Variants in GRIK4 observed in about 807,000 individuals in gnomAD.
The protein encoded by GRIK4 is glutamate ionotropic receptor kainate type subunit 4, also known as glutamate receptor ionotropic, kainate 4.
In GRIK4, 40 loss-of-function variants were observed where a neutral mutation model predicts 104.9. The ratio of observed to expected loss-of-function variants is 0.38; its 90% confidence interval spans 0.30 to 0.50. The LOEUF is 0.50. Among genes scored for constraint, GRIK4 ranks in the 20% least tolerant of loss-of-function variants. The probability of loss-of-function intolerance (pLI) is 0.93; values close to 1 mark genes in which losing one functional copy is unlikely to be tolerated. For synonymous variants in GRIK4, 485 were observed against 524.9 expected, an observed-to-expected ratio of 0.92 and a Z score of 1.04; for missense variants, 1,047 against 1,308.1, an observed-to-expected ratio of 0.80 and a Z score of 3.08.
intron 1 of GRIK4, among the ~76,000 whole-genome samples, chr11:120,606,696 T>C (rs570609987): frequency 1.8e-4 from 27 of 152,254 alleles, no homozygotes; most frequent in African/African-American, 6.3e-4. Context: ...TTAGGAGCTG[T>C]GAGCATGGAG....
intron 3 of GRIK4, among the ~76,000 whole-genome samples, chr11:120,747,561 ATAGC>A (rs1468130310): frequency 6.6e-6 from 1 of 152,224 alleles, no homozygotes. Flanking sequence ...GCTTAGACAG[ATAGC>A]TAGGACTTTA....
At chr11:120,720,250 G>A (rs571799078) in intron 3 of GRIK4, among the ~76,000 whole-genome samples, 7 of 152,300 alleles carry the variant, frequency 4.6e-5, no homozygotes, top group Admixed American at 1.3e-4. Flanking sequence ...CAGTCACAGC[G>A]TATTAAGGTC....
rs921475191 is a variant in GRIK4 at position 120,864,309 on chromosome 11, C to T, written c.906+2189C>T. Reference sequence around the variant, plus strand: ...AGGCTGGAGTGCAGTGGCGCGATCTCGGCTCACTGCAAGCTCCACCTCCCG... The same window carrying T: ...AGGCTGGAGTGCAGTGGCGCGATCTTGGCTCACTGCAAGCTCCACCTCCCG... On this transcript the variant is annotated intron_variant, in intron 9 of 20. Coordinates refer to ENST00000527524, the MANE Select transcript of GRIK4 (RefSeq NM_014619.5). 4.0e-5 allele frequency among the ~76,000 whole-genome samples: 6 copies of T among 151,674 alleles called. No individual in the cohort carries two copies. The South Asian group carries it at 6.3e-4, about 16-fold the overall frequency.
chr11:120,769,500 T>TAA (rs1951899919), intron 3 of GRIK4, among the ~76,000 whole-genome samples: 1 of 152,226 alleles, frequency 6.6e-6, no homozygotes, highest in Non-Finnish European at 1.5e-5. Context: ...TAATTTTATA[T>TAA]AATTGTATGT....
intron 19 of GRIK4, among the ~76,000 whole-genome samples, chr11:120,978,474 T>A (rs1249192797): frequency 6.6e-6 from 1 of 152,150 alleles, no homozygotes; most frequent in Non-Finnish European, 1.5e-5. Flanking sequence ...AGAGCAACGA[T>A]GCTGTGTGCT....
rs144974272 is a variant in GRIK4, at chr11:120,802,768, A to G, written c.158A>G (p.Asn53Ser). The G allele has an allele frequency of 5.1e-5, 82 of 1,614,062 alleles. No individual in the cohort carries two copies. The highest frequency in any genetic ancestry group is 1.8e-4 in the Admixed American group (11 of 60,010). ...LSITLAKNRI[N>S]RAPERLGKAK... is the part of the protein sequence containing the mutation. Reference sequence around the variant, plus strand: ...ATCACCCTGGCCAAGAACCGCATCAACCGCGCTCCTGAGAGGCTGGGCAAG... The same window carrying G: ...ATCACCCTGGCCAAGAACCGCATCAGCCGCGCTCCTGAGAGGCTGGGCAAG... The change falls in exon 4 of 21, where the codon AAC becomes AGC. Residue 53 changes from asparagine to serine, a missense_variant. Around this residue, in one of 3 missense-constraint regions of GRIK4, gnomAD observed 447 missense variants for 514.9 expected, o/e 0.87. Coordinates refer to ENST00000527524, the MANE Select transcript of GRIK4 (RefSeq NM_014619.5).
intron 3 of GRIK4, among the ~76,000 whole-genome samples, chr11:120,731,240 C>G (rs1951122349): frequency 6.7e-6 from 1 of 150,292 alleles, no homozygotes. Flanking sequence ...TATGTCTCTT[C>G]TATACCTGTT....
At chr11:120,917,706 C>T (rs1042758224) in intron 13 of GRIK4, among the ~76,000 whole-genome samples, 14 of 152,118 alleles carry the variant, frequency 9.2e-5, no homozygotes, top group Non-Finnish European at 1.3e-4. Context: ...AGGAGTTGCC[C>T]GGGGGGATCT....
rs574056604 is a variant in GRIK4, at chr11:120,534,042, C to T, written c.-159+22155C>T. ...GTGGCCCTGACACAGGCTGGAGGCA[C>T]GAAGGCACCTGCTGAGCCTGGCAGT... On this transcript the variant is annotated intron_variant, in intron 1 of 20. Transcript: ENST00000527524. Among the ~76,000 whole-genome samples, 15 of 152,270 alleles carry T rather than the reference C, an allele frequency of 9.9e-5. 1 individual carries two copies. The South Asian group carries it at 1.7e-3, about 17-fold the overall frequency.
At chr11:120,529,168 G>A (rs114604054) in intron 1 of GRIK4, among the ~76,000 whole-genome samples, 18 of 149,438 alleles carry the variant, frequency 1.2e-4, no homozygotes, top group Admixed American at 8.7e-4. Context: ...CCCAACCCTC[G>A]TTCCCTTTGG....
intron 9 of GRIK4, chr11:120,869,086 T>C (rs1468104485): frequency 6.6e-6 from 1 of 152,078 alleles, no homozygotes; most frequent in Non-Finnish European, 1.5e-5. Flanking sequence ...GAGGAGAAAT[T>C]CGGTGAGGGC....
intron 9 of GRIK4, among the ~76,000 whole-genome samples, chr11:120,865,214 A>C (rs1954374488): frequency 6.6e-6 from 1 of 152,222 alleles, no homozygotes; most frequent in African/African-American, 2.4e-5. Context: ...TCCAATTCAC[A>C]ATCATTCACT....
chr11:120,845,032 C>T (rs1265240176), intron 8 of GRIK4, among the ~76,000 whole-genome samples: 1 of 152,192 alleles, frequency 6.6e-6, no homozygotes, highest in Non-Finnish European at 1.5e-5. Flanking sequence ...CAGGCCAACA[C>T]CTGGCAGCTG....
At chr11:120,620,107 T>G (rs2135162742) in intron 1 of GRIK4, 1 of 757,538 alleles carries the variant, frequency 1.3e-6, no homozygotes, top group East Asian at 2.5e-5. Flanking sequence ...GGTTTCGTTC[T>G]CAGCAAAATT....
chr11:120,831,973 G>C lies in GRIK4; in HGVS notation c.633G>C (p.Lys211Asn), dbSNP rs1953440329. ...TPLLKEIRDDKTATIIIHANA... is the reference protein window; with the variant it reads ...TPLLKEIRDDNTATIIIHANA... ...TCCTCAAGGAGATCCGGGACGACAAGACCGCCACCATCATCATCCACGCCA... is the reference window on the plus strand; with the variant it reads ...TCCTCAAGGAGATCCGGGACGACAACACCGCCACCATCATCATCCACGCCA... Residue 211 changes from lysine to asparagine, a missense_variant, in exon 7 of 21, where the codon AAG becomes AAC. Transcript: ENST00000527524. 1 of 1,613,764 alleles carries C rather than the reference G, an allele frequency of 6.2e-7. No homozygotes were observed.
intron 3 of GRIK4, among the ~76,000 whole-genome samples, chr11:120,671,920 A>C (rs1368768847): frequency 6.6e-6 from 1 of 152,198 alleles, no homozygotes. Context: ...AGGTTTGTCA[A>C]AGGTGAGATG....
rs1370811873 is a variant in GRIK4, at chr11:120,903,142, G to A, written c.1273-2148G>A. 1.3e-5 allele frequency among the ~76,000 whole-genome samples: 2 copies of A among 151,916 alleles called. No homozygotes were observed. The highest frequency in any genetic ancestry group is 4.8e-5 in the African/African-American group (2 of 41,342). On this transcript the variant is annotated intron_variant, in intron 12 of 20. Transcript: ENST00000527524. This position sits in a 1 kb window ranked among gnomAD's most constrained non-coding sequence, Gnocchi z 4.4. ...CTTTCCTCTCTGGGCTCCTAGAATC[G>A]TGATGTGCAGGTTTCTCCATGCACA...
intron 3 of GRIK4, among the ~76,000 whole-genome samples, chr11:120,791,274 G>C (rs1952389192): frequency 6.6e-6 from 1 of 152,112 alleles, no homozygotes; most frequent in Non-Finnish European, 1.5e-5. Context: ...AATTGGTATG[G>C]TCAAGCTTTT....
intron 3 of GRIK4, among the ~76,000 whole-genome samples, chr11:120,671,902 T>C (rs1950023792): frequency 6.6e-6 from 1 of 152,192 alleles, no homozygotes; most frequent in Admixed American, 6.5e-5. Flanking sequence ...TCGTTGCTTG[T>C]TTTTGCCAGG....
Sources: allele counts gnomAD v4.1 joint callset (sites outside exome capture counted in the v4.1 genomes callset), GRCh38; gene constraint gnomAD v4.1.1; regional missense constraint gnomAD v4.1.1; non-coding constraint Gnocchi (gnomAD v3.1); transcripts MANE v1.5; gene names NCBI Gene and HGNC (gene_info 2026-07-23, HGNC 2026-07-21).